SLC24A3: variants seen among roughly 807,000 people sequenced by gnomAD.
SLC24A3 encodes the protein sodium/potassium/calcium exchanger 3.
Under a neutral mutation model 75.8 loss-of-function variants are expected in SLC24A3, and 28 were observed. The observed-to-expected ratio is 0.37, with a 90% CI of 0.27 to 0.51. The LOEUF (loss-of-function observed/expected upper bound fraction) is 0.51, where lower values mean the gene tolerates loss of function less well. Ranked by LOEUF, SLC24A3 falls within the 20% of genes least tolerant of loss-of-function variation. SLC24A3 has a pLI of 0.94. For synonymous variants in SLC24A3, 372 were observed against 334.1 expected, an observed-to-expected ratio of 1.11 and a Z score of -1.24; for missense variants, 663 against 847.8, an observed-to-expected ratio of 0.78 and a Z score of 2.71.
chr20:19,272,667 G>A (rs1171855713), intron 1 of SLC24A3, among the ~76,000 whole-genome samples: 1 of 152,208 alleles, frequency 6.6e-6, no homozygotes, highest in Admixed American at 6.5e-5. Context: ...CCCAGGTCAA[G>A]GGGCATGGCC....
intron 1 of SLC24A3, among the ~76,000 whole-genome samples, chr20:19,267,938 A>G (rs1260629977): frequency 1.3e-5 from 2 of 152,370 alleles, no homozygotes; most frequent in African/African-American, 2.4e-5. Context: ...AGAGAAATGC[A>G]TAATTCATCT....
intron 12 of SLC24A3, among the ~76,000 whole-genome samples, 175 bp downstream of exon 12, chr20:19,685,536 C>A (rs2032666446): frequency 6.6e-6 from 1 of 152,092 alleles, no homozygotes; most frequent in Non-Finnish European, 1.5e-5. Flanking sequence ...TCAAAGATGG[C>A]CAAGATGGGG....
intron 2 of SLC24A3, among the ~76,000 whole-genome samples, chr20:19,424,745 CAAAAAAA>C (rs528342351): frequency 1.0e-4 from 5 of 49,150 alleles, no homozygotes; most frequent in Non-Finnish European, 1.4e-4. Flanking sequence ...AAAACAACAA[CAAAAAAA>C]AAAAAAAAAA....
chr20:19,339,678 A>G (rs755602309), intron 2 of SLC24A3, among the ~76,000 whole-genome samples: 1 of 152,194 alleles, frequency 6.6e-6, no homozygotes, highest in Non-Finnish European at 1.5e-5. Flanking sequence ...CAAGTTTGCC[A>G]AGACTTGGGG....
chr20:19,552,711 G>A (rs755926288), intron 3 of SLC24A3, among the ~76,000 whole-genome samples: 46 of 151,948 alleles, frequency 3.0e-4, no homozygotes, highest in Non-Finnish European at 5.6e-4. Flanking sequence ...CCTTCTTTCT[G>A]ACCCCTCTTT....
chr20:19,504,486 A>C (rs1988433003), intron 2 of SLC24A3, among the ~76,000 whole-genome samples: 1 of 152,086 alleles, frequency 6.6e-6, no homozygotes, highest in Non-Finnish European at 1.5e-5. Context: ...TTTCAAGTGC[A>C]TTTTTTTTCT....
chr20:19,290,057 A>G (rs1180271627), intron 2 of SLC24A3, among the ~76,000 whole-genome samples: 1 of 152,174 alleles, frequency 6.6e-6, no homozygotes, highest in Non-Finnish European at 1.5e-5. Flanking sequence ...CACCACCAGC[A>G]GCAGCAGCCC....
intron 2 of SLC24A3, among the ~76,000 whole-genome samples, chr20:19,285,811 G>T (rs760838274): frequency 1.3e-5 from 2 of 151,988 alleles, no homozygotes; most frequent in African/African-American, 4.8e-5. Flanking sequence ...AATTAAGTTA[G>T]CTAAATGTAA....
chr20:19,681,751 T>G (rs2032617846), intron 9 of SLC24A3, 107 bp from the exon 10 acceptor site: 2 of 1,563,614 alleles, frequency 1.3e-6, no homozygotes, highest in Non-Finnish European at 8.7e-7. Context: ...TGAGGCCTGG[T>G]GACTGTGCAT....
intron 6 of SLC24A3, among the ~76,000 whole-genome samples, chr20:19,588,225 T>C (rs982637803): frequency 6.6e-6 from 1 of 152,138 alleles, no homozygotes; most frequent in Admixed American, 6.5e-5. Context: ...TGCAGTGGAA[T>C]GTTACGGCAA....
At chr20:19,300,579 C>T (rs894106370) in intron 2 of SLC24A3, among the ~76,000 whole-genome samples, 5 of 152,322 alleles carry the variant, frequency 3.3e-5, no homozygotes, top group East Asian at 1.9e-4. Context: ...TATGCAGCCA[C>T]GGTGACTGAT....
chr20:19,337,694 G>A (rs1273034330), intron 2 of SLC24A3, among the ~76,000 whole-genome samples: 10 of 152,152 alleles, frequency 6.6e-5, no homozygotes, highest in African/African-American at 1.7e-4. Flanking sequence ...CTAACGCTAA[G>A]CATTTACTAT....
intron 2 of SLC24A3, among the ~76,000 whole-genome samples, chr20:19,470,229 T>G (rs1987846987): frequency 6.6e-6 from 1 of 152,148 alleles, no homozygotes; most frequent in South Asian, 2.1e-4. Flanking sequence ...GTACAACCAC[T>G]CAATGTGTCT....
intron 12 of SLC24A3, among the ~76,000 whole-genome samples, chr20:19,690,977 A>G (rs185227216): frequency 6.6e-6 from 1 of 152,320 alleles, no homozygotes; most frequent in Admixed American, 6.5e-5. Flanking sequence ...GTTCATAATA[A>G]CATTATTACT....
chr20:19,320,924 G>A (rs1382832589), intron 2 of SLC24A3, among the ~76,000 whole-genome samples: 1 of 151,926 alleles, frequency 6.6e-6, no homozygotes, highest in African/African-American at 2.4e-5. Flanking sequence ...AAGACTGACT[G>A]TATACAGAAT....
intron 7 of SLC24A3, among the ~76,000 whole-genome samples, chr20:19,656,419 A>G (rs148225225): frequency 1.1e-3 from 170 of 152,112 alleles, no homozygotes; most frequent in Admixed American, 0.01. Context: ...TTCTGTTAGG[A>G]GATTTAAGGA....
chr20:19,672,239 T>C (rs1186601813), intron 8 of SLC24A3, among the ~76,000 whole-genome samples: 4 of 152,206 alleles, frequency 2.6e-5, no homozygotes, highest in Non-Finnish European at 5.9e-5. Flanking sequence ...CTGAGAAATG[T>C]GGCAGAAATT....
At chr20:19,693,758 T>G in intron 13 of SLC24A3, 1 of 219,332 alleles carries the variant, frequency 4.6e-6, no homozygotes, top group Non-Finnish European at 9.1e-6. Flanking sequence ...AGAGGCTAGC[T>G]ACCTGGGGTA....
At chr20:19,250,788 G>A (rs1196082231) in intron 1 of SLC24A3, among the ~76,000 whole-genome samples, 1 of 152,132 alleles carries the variant, frequency 6.6e-6, no homozygotes, top group Non-Finnish European at 1.5e-5. Flanking sequence ...GGAACCAAAC[G>A]TTTATGGATC....
Sources: gnomAD v4.1 joint callset for allele counts (sites outside exome capture counted in the v4.1 genomes callset) on GRCh38, gnomAD v4.1.1 for gene constraint, MANE v1.5 for transcripts, NCBI Gene and HGNC (gene_info 2026-07-23, HGNC 2026-07-21) for gene names.